The following NUBPL variants were observed in gnomAD, a reference collection of about 807,000 sequenced individuals.
The protein encoded by NUBPL is iron-sulfur cluster transfer protein NUBPL.
A neutral mutation model predicts 45.7 loss-of-function variants in NUBPL; 31 were observed. That is an observed-to-expected ratio of 0.68 (90% CI 0.51 to 0.92). NUBPL has a LOEUF of 0.92. Among genes scored for constraint, NUBPL ranks in the 40% least tolerant of loss-of-function variants. The pLI is 0.00. For missense variants in NUBPL, 401 were observed against 398.7 expected, an observed-to-expected ratio of 1.01 and a Z score of -0.05; for synonymous variants, 144 against 140.9, an observed-to-expected ratio of 1.02 and a Z score of -0.15.
At chr14:31,814,243 G>C (rs750519931) in intron 7 of NUBPL, among the ~76,000 whole-genome samples, 1 of 152,130 alleles carries the variant, frequency 6.6e-6, no homozygotes, top group Non-Finnish European at 1.5e-5. Context: ...GCATAAGATG[G>C]TATCTCATTG....
chr14:31,783,885 A>G (rs1156345655), intron 6 of NUBPL, among the ~76,000 whole-genome samples: 1 of 152,216 alleles, frequency 6.6e-6, no homozygotes, highest in Non-Finnish European at 1.5e-5. Flanking sequence ...AGTGCCAGGG[A>G]AAAACAATGA....
In NUBPL at chr14:31,834,397, T is replaced by C. The variant is rs370360194; in HGVS notation, c.693+7683T>C. Among the ~76,000 whole-genome samples, 14 of 152,190 alleles carry C rather than the reference T, an allele frequency of 9.2e-5. No individual in the cohort carries two copies. In the South Asian group the frequency reaches 2.1e-3, roughly 23 times the overall value. On this transcript the variant is annotated intron_variant, in intron 8 of 10. Transcript: ENST00000281081. ...GGTTTCACCGTGTTAGCCAGGATGG[T>C]CTCGATCTCCTGACTTCATGATCTG...
At chr14:31,803,145 ACAGAAACTTATTGTTGC>A (rs2039624200) in intron 7 of NUBPL, among the ~76,000 whole-genome samples, 3 of 152,262 alleles carry the variant, frequency 2.0e-5, no homozygotes, top group Admixed American at 2.0e-4. Flanking sequence ...GGAGGATCAG[ACAGAAACTTATTGTTGC>A]CAAGTTAAAT....
chr14:31,798,569 G>C (rs1256320940), intron 7 of NUBPL, among the ~76,000 whole-genome samples: 2 of 151,294 alleles, frequency 1.3e-5, no homozygotes, highest in Non-Finnish European at 2.9e-5. Flanking sequence ...GAGGCGGGTG[G>C]ATCATGGGGT....
intron 6 of NUBPL, among the ~76,000 whole-genome samples, chr14:31,699,888 A>G (rs985105769): frequency 6.6e-6 from 1 of 152,198 alleles, no homozygotes; most frequent in African/African-American, 2.4e-5. Flanking sequence ...AATATAATTC[A>G]TTTATTAAGT....
intron 6 of NUBPL, among the ~76,000 whole-genome samples, chr14:31,754,586 GTTTTC>G (rs1438654484): frequency 7.6e-5 from 8 of 104,740 alleles, no homozygotes; most frequent in African/African-American, 2.2e-4. Context: ...TGTCAAGAGG[GTTTTC>G]TTTTTTTTTT....
Position 31,693,918 on chromosome 14 carries a change from T to G in NUBPL, c.513+20344T>G, listed in dbSNP as rs1595503886. ...TTGCCCAGGCTGGAGTGCAGTGGCGTGATCTGGGCTCACTGTAAGCTCCGC... is the reference window on the plus strand; with the variant it reads ...TTGCCCAGGCTGGAGTGCAGTGGCGGGATCTGGGCTCACTGTAAGCTCCGC... On this transcript the variant is annotated intron_variant, in intron 6 of 10. Coordinates refer to ENST00000281081, the MANE Select transcript of NUBPL (RefSeq NM_025152.3). Among the ~76,000 whole-genome samples, 3 of 143,028 alleles carry G rather than the reference T, an allele frequency of 2.1e-5. No homozygotes were observed. In the South Asian group the frequency reaches 6.6e-4, roughly 31 times the overall value. 93.8% of individuals were successfully genotyped at this position (143,028 alleles called of 152,430 possible).
intron 6 of NUBPL, among the ~76,000 whole-genome samples, chr14:31,698,580 G>T (rs2037264831): frequency 1.3e-5 from 2 of 151,754 alleles, no homozygotes; most frequent in Non-Finnish European, 2.9e-5. Flanking sequence ...GCTACCCTCT[G>T]GCTTTATTCA....
At chr14:31,788,755 C>T (rs2039328559) in intron 7 of NUBPL, among the ~76,000 whole-genome samples, 1 of 152,144 alleles carries the variant, frequency 6.6e-6, no homozygotes, top group Non-Finnish European at 1.5e-5. Context: ...ATTTCCCCTC[C>T]TCTCTGTTCA....
At chr14:31,618,042 A>G (rs1375903312) in intron 4 of NUBPL, among the ~76,000 whole-genome samples, 1 of 151,880 alleles carries the variant, frequency 6.6e-6, no homozygotes, top group Non-Finnish European at 1.5e-5. Flanking sequence ...TTTCTTCTAG[A>G]TTTTCTAGTT....
chr14:31,578,146 C>T (rs2033767442), intron 3 of NUBPL: 2 of 481,312 alleles, frequency 4.2e-6, no homozygotes, highest in Non-Finnish European at 8.0e-6. Flanking sequence ...GAGAACTATG[C>T]TTAGAGAAGG....
chr14:31,676,214 G>T (rs1048887535), intron 6 of NUBPL, among the ~76,000 whole-genome samples: 3 of 151,912 alleles, frequency 2.0e-5, no homozygotes, highest in African/African-American at 7.3e-5. Flanking sequence ...GTAGGGACGG[G>T]GTTTCTCCAT....
chr14:31,711,720 G>C (rs1296662420), intron 6 of NUBPL, among the ~76,000 whole-genome samples: 1 of 152,110 alleles, frequency 6.6e-6, no homozygotes. Flanking sequence ...GACTTCAGGA[G>C]TGAAGTTGCA....
At chr14:31,835,062 G>A (rs1490089192) in intron 8 of NUBPL, among the ~76,000 whole-genome samples, 1 of 152,124 alleles carries the variant, frequency 6.6e-6, no homozygotes, top group Non-Finnish European at 1.5e-5. Context: ...AAATGGGGAG[G>A]AGTTAAGGAG....
At chr14:31,584,643 A>G (rs549418766) in intron 3 of NUBPL, among the ~76,000 whole-genome samples, 65 of 152,278 alleles carry the variant, frequency 4.3e-4, no homozygotes, top group African/African-American at 1.5e-3. Flanking sequence ...GCAACTACTA[A>G]TCTACTTTCT....
chr14:31,778,187 T>C (rs138185323), intron 6 of NUBPL, among the ~76,000 whole-genome samples: 1 of 152,326 alleles, frequency 6.6e-6, no homozygotes, highest in East Asian at 1.9e-4. Flanking sequence ...GATCTGTCTG[T>C]GGCCAGATCT....
At chr14:31,699,349 T>C (rs1256888026) in intron 6 of NUBPL, among the ~76,000 whole-genome samples, 1 of 152,230 alleles carries the variant, frequency 6.6e-6, no homozygotes, top group Non-Finnish European at 1.5e-5. Flanking sequence ...AATAATATTT[T>C]ACTAAAAGTA....
intron 4 of NUBPL, among the ~76,000 whole-genome samples, chr14:31,631,482 A>C (rs1280192636): frequency 4.0e-5 from 6 of 150,388 alleles, no homozygotes; most frequent in African/African-American, 1.2e-4. Flanking sequence ...ACACACACAC[A>C]CCCCCACCCC....
At chr14:31,644,937 T>A (rs1014357282) in intron 4 of NUBPL, among the ~76,000 whole-genome samples, 1 of 152,206 alleles carries the variant, frequency 6.6e-6, no homozygotes, top group African/African-American at 2.4e-5. Context: ...TGATTTGTAG[T>A]CATCTTACCT....
Sources: gnomAD v4.1 joint callset for allele counts (sites outside exome capture counted in the v4.1 genomes callset) on GRCh38, gnomAD v4.1.1 for gene constraint, MANE v1.5 for transcripts, NCBI Gene and HGNC (gene_info 2026-07-23, HGNC 2026-07-21) for gene names.